Variants in RASA2 observed in about 807,000 individuals in gnomAD.
RASA2 encodes the protein ras GTPase-activating protein 2.
A neutral mutation model predicts 118.2 loss-of-function variants in RASA2; 155 were observed. The observed-to-expected ratio is 1.31, with a 90% CI of 1.15 to 1.50. The LOEUF (loss-of-function observed/expected upper bound fraction) is 1.50. RASA2 is among the 40% of genes most tolerant of loss of function. RASA2 has a pLI of 0.00. For synonymous variants in RASA2, 353 were observed against 349.1 expected, an observed-to-expected ratio of 1.01 and a Z score of -0.12; for missense variants, 1,016 against 1,009.6, an observed-to-expected ratio of 1.01 and a Z score of -0.09.
Position 141,570,914 on chromosome 3 carries a change from ACTT to A in RASA2, c.867_869del (p.Tyr289_Leu290delinsTer). On this transcript the variant is annotated stop_gained and inframe_deletion, in exon 10 of 24. Transcript: ENST00000286364. LOFTEE classifies it high-confidence loss of function. The stretch of plus-strand genomic sequence containing the variant: ...AATCACTTATATTTTTACTTTAGGT[ACTT>A]GCTACAGCCAAGAGACAATGGAAAC... The A allele has an allele frequency of 6.2e-7, 1 of 1,602,484 alleles. No individual in the cohort carries two copies. The highest frequency in any genetic ancestry group is 8.5e-7 in the Non-Finnish European group (1 of 1,176,298).
At chr3:141,590,676 T>C (rs2083274254) in intron 19 of RASA2, among the ~76,000 whole-genome samples, 1 of 152,206 alleles carries the variant, frequency 6.6e-6, no homozygotes, top group Non-Finnish European at 1.5e-5. Flanking sequence ...CTATGTGACT[T>C]TGGTGTCTGA....
At chr3:141,565,339 G>A (rs558203859) in intron 9 of RASA2, among the ~76,000 whole-genome samples, 1 of 152,294 alleles carries the variant, frequency 6.6e-6, no homozygotes, top group East Asian at 1.9e-4. Flanking sequence ...TTGCAAGGTT[G>A]CCGAACATGC....
intron 1 of RASA2, among the ~76,000 whole-genome samples, chr3:141,497,714 A>AG (rs2081724576): frequency 2.0e-5 from 3 of 151,964 alleles, no homozygotes; most frequent in Admixed American, 6.6e-5. Context: ...AAAAAAAAAA[A>AG]AAAATGCCAG....
At chr3:141,493,811 A>C (rs1262905750) in intron 1 of RASA2, among the ~76,000 whole-genome samples, 3 of 152,330 alleles carry the variant, frequency 2.0e-5, no homozygotes, top group African/African-American at 7.2e-5. Context: ...AAGCATTACC[A>C]ATTTGTTATA....
intron 5 of RASA2, 145 bp from the exon 6 acceptor site, chr3:141,553,709 TTCC>T: frequency 1.7e-5 from 23 of 1,336,076 alleles, no homozygotes; most frequent in Non-Finnish European, 2.2e-5. Context: ...TTACTACCTA[TTCC>T]ATATAGGTAG....
At position 141,505,278 on chromosome 3, in the gene RASA2, G is replaced by A. The variant is rs368097976; in HGVS notation, c.134-6885G>A. ...TTCACTGTTATATCCCCAGCACTTAGAACAGTGCCTCGTGTGTTTAGGCAC... is the reference window on the plus strand; with the variant it reads ...TTCACTGTTATATCCCCAGCACTTAAAACAGTGCCTCGTGTGTTTAGGCAC... On this transcript the variant is annotated intron_variant, in intron 1 of 23. Coordinates refer to ENST00000286364, the MANE Select transcript of RASA2 (RefSeq NM_006506.5). Among the ~76,000 whole-genome samples, 135 of 152,322 alleles carry A rather than the reference G, an allele frequency of 8.9e-4. 2 individuals carry two copies. The South Asian group carries it at 0.011, about 12-fold the overall frequency.
chr3:141,557,128 GC>G (rs1165266012), intron 7 of RASA2, among the ~76,000 whole-genome samples: 1 of 152,206 alleles, frequency 6.6e-6, no homozygotes, highest in African/African-American at 2.4e-5. Flanking sequence ...CTTACAGTCA[GC>G]AGATGACCTT....
chr3:141,576,942 A>G, intron 14 of RASA2, 58 bp from the exon 15 acceptor site: 2 of 1,162,278 alleles, frequency 1.7e-6, no homozygotes, highest in Non-Finnish European at 2.5e-6. Context: ...TTTTTAATTT[A>G]TCATCTTTGT....
chr3:141,560,281 C>G (rs1164580161), intron 9 of RASA2, among the ~76,000 whole-genome samples: 1 of 152,116 alleles, frequency 6.6e-6, no homozygotes, highest in Non-Finnish European at 1.5e-5. Flanking sequence ...TAAAACATTA[C>G]ATAAGAGTTG....
intron 19 of RASA2, among the ~76,000 whole-genome samples, chr3:141,602,718 T>C (rs1242585770): frequency 6.6e-6 from 1 of 152,200 alleles, no homozygotes; most frequent in Non-Finnish European, 1.5e-5. Context: ...TTGATTAGTT[T>C]AGTGGTCAAC....
chr3:141,563,325 T>TA (rs2082766274), intron 9 of RASA2, among the ~76,000 whole-genome samples: 1 of 152,198 alleles, frequency 6.6e-6, no homozygotes, highest in African/African-American at 2.4e-5. Context: ...CACTTAGAAA[T>TA]GCCAGATAGT....
intron 3 of RASA2, among the ~76,000 whole-genome samples, chr3:141,527,622 G>A (rs963665880): frequency 6.6e-6 from 1 of 151,952 alleles, no homozygotes; most frequent in Non-Finnish European, 1.5e-5. Context: ...GTAATCATTT[G>A]TGGTGTGCAA....
intron 1 of RASA2, among the ~76,000 whole-genome samples, chr3:141,497,107 T>C (rs1368456463): frequency 1.4e-5 from 2 of 140,432 alleles, no homozygotes; most frequent in Non-Finnish European, 3.0e-5. Flanking sequence ...TAGGTGGGAA[T>C]TGAACAATGA....
At chr3:141,533,027 T>G (rs1300802299) in intron 4 of RASA2, among the ~76,000 whole-genome samples, 1 of 152,156 alleles carries the variant, frequency 6.6e-6, no homozygotes, top group Non-Finnish European at 1.5e-5. Context: ...GCCATTGTAT[T>G]CTTTTTGTAT....
chr3:141,538,619 A>G (rs2082362671), intron 4 of RASA2, among the ~76,000 whole-genome samples: 1 of 152,210 alleles, frequency 6.6e-6, no homozygotes, highest in African/African-American at 2.4e-5. Context: ...TTTAGAAATT[A>G]TAATTTCCTT....
chr3:141,597,951 TGACA>T (rs2083400861), intron 19 of RASA2, among the ~76,000 whole-genome samples: 1 of 152,174 alleles, frequency 6.6e-6, no homozygotes, highest in African/African-American at 2.4e-5. Flanking sequence ...TCAATAAATT[TGACA>T]ATTCAGATGA....
At chr3:141,591,668 G>A (rs1017895387) in intron 19 of RASA2, among the ~76,000 whole-genome samples, 2 of 152,116 alleles carry the variant, frequency 1.3e-5, no homozygotes, top group African/African-American at 2.4e-5. Context: ...ATTAGATATT[G>A]TCTACTTTGG....
In RASA2 at chr3:141,516,437, T is replaced by C; in HGVS notation, c.355+6T>C. 1.4e-6 allele frequency: 2 copies of C among 1,435,318 alleles called. No individual in the cohort carries two copies. Among genetic ancestry groups the C allele is most frequent in the Non-Finnish European group, 1.8e-6 (2 of 1,088,216 alleles). The allele number at this position is 1,435,318 out of a possible 1,614,324, so 88.9% of individuals were successfully genotyped here. A position where few individuals can be genotyped will look rare whatever the true frequency, so the allele number is the denominator to read the frequency against. ...ACAAAGAGATCTCCGTATAGGTATG[T>C]ACTATTCATAATTATCTTTAATCAC... On this transcript the variant is annotated splice_donor_region_variant and intron_variant, in intron 3 of 23. Coordinates refer to ENST00000286364, the MANE Select transcript of RASA2 (RefSeq NM_006506.5).
Position 141,607,957 on chromosome 3 carries a change from T to G in RASA2, c.2016+197T>G, listed in dbSNP as rs79468314. Among the ~76,000 whole-genome samples, 4,658 of 152,282 alleles carry G rather than the reference T, an allele frequency of 0.031. 235 individuals carry two copies. Among genetic ancestry groups the G allele is most frequent in the African/African-American group, 0.1 (4,240 of 41,548 alleles). ...GTTCATAAATAGCTAGCTGAAACTC[T>G]GTCTTAAAATTGTCCTTTATTGTTG... On this transcript the variant is annotated intron_variant, in intron 20 of 23. Coordinates refer to ENST00000286364, the MANE Select transcript of RASA2 (RefSeq NM_006506.5).
Sources: gnomAD v4.1 joint callset for allele counts (sites outside exome capture counted in the v4.1 genomes callset) on GRCh38, gnomAD v4.1.1 for gene constraint, MANE v1.5 for transcripts, NCBI Gene and HGNC (gene_info 2026-07-23, HGNC 2026-07-21) for gene names.